Variants in TBC1D32 observed in about 807,000 individuals in gnomAD.
TBC1D32 encodes the protein TBC1 domain family member 32.
Under a neutral mutation model 170.3 loss-of-function variants are expected in TBC1D32, and 151 were observed. The observed-to-expected ratio is 0.89, with a 90% CI of 0.78 to 1.01. TBC1D32 has a LOEUF of 1.01. Among genes scored for constraint, TBC1D32 ranks in the 50% least tolerant of loss-of-function variants. The pLI is 0.00. For synonymous variants in TBC1D32, 498 were observed against 488.0 expected, an observed-to-expected ratio of 1.02 and a Z score of -0.27; for missense variants, 1,464 against 1,457.1, an observed-to-expected ratio of 1.00 and a Z score of -0.08.
chr6:121,276,132 A>C (rs569635380), intron 15 of TBC1D32, among the ~76,000 whole-genome samples: 130 of 151,884 alleles, frequency 8.6e-4, no homozygotes, highest in African/African-American at 2.9e-3. Context: ...AAAAAAAAAA[A>C]AAACAAACGA....
chr6:121,256,095 C>G lies in TBC1D32; in HGVS notation c.1924G>C (p.Ala642Pro), dbSNP rs758891570. ...TTGAAAATACTTACCTTTTTCCATG[C>G]CTTTGCTATAGATTCATGCAAATTA... ...TYNLHESIAKAWKKTSLLSER... is the reference protein window; with the variant it reads ...TYNLHESIAKPWKKTSLLSER... The change falls in exon 16 of 32, where the codon GCA (alanine) becomes CCA (proline). Residue 642 changes from alanine (A) to proline (P), a missense_variant. Coordinates refer to ENST00000398212, the MANE Select transcript of TBC1D32 (RefSeq NM_152730.6). 5.0e-6 allele frequency: 8 copies of G among 1,607,954 alleles called. No homozygotes were observed. Among genetic ancestry groups the G allele is most frequent in the Non-Finnish European group, 4.2e-6 (5 of 1,178,722 alleles).
At chr6:121,278,107 A>G (rs1020531949) in intron 15 of TBC1D32, among the ~76,000 whole-genome samples, 3 of 152,176 alleles carry the variant, frequency 2.0e-5, no homozygotes, top group Non-Finnish European at 2.9e-5. Context: ...AATAAATTGA[A>G]TGAATAACTA....
chr6:121,148,320 T>G (rs978841488), intron 24 of TBC1D32, among the ~76,000 whole-genome samples: 1 of 152,106 alleles, frequency 6.6e-6, no homozygotes, highest in African/African-American at 2.4e-5. Flanking sequence ...TGAACTAATT[T>G]TTTTTTATGG....
intron 22 of TBC1D32, among the ~76,000 whole-genome samples, chr6:121,178,159 TG>T (rs1788020457): frequency 6.6e-6 from 1 of 152,118 alleles, no homozygotes; most frequent in Non-Finnish European, 1.5e-5. Flanking sequence ...TGGGGGAAAC[TG>T]CGCCCATGAT....
chr6:121,095,865 T>G (rs566623509), intron 30 of TBC1D32: 2 of 152,310 alleles, frequency 1.3e-5, no homozygotes, highest in Admixed American at 6.5e-5. Flanking sequence ...GCATCGATAT[T>G]CATCAGGCAT....
At chr6:121,105,612 G>A (rs1778597938) in intron 30 of TBC1D32, among the ~76,000 whole-genome samples, 1 of 152,030 alleles carries the variant, frequency 6.6e-6, no homozygotes. Flanking sequence ...AGCCTTCCTA[G>A]ATCCCGACAG....
intron 15 of TBC1D32, among the ~76,000 whole-genome samples, chr6:121,270,098 G>C (rs1226281309): frequency 1.3e-5 from 2 of 151,938 alleles, no homozygotes; most frequent in Non-Finnish European, 2.9e-5. Flanking sequence ...GAATCTCTGG[G>C]ACACATTCAA....
chr6:121,222,427 C>A (rs1213188216), intron 21 of TBC1D32, among the ~76,000 whole-genome samples: 1 of 152,022 alleles, frequency 6.6e-6, no homozygotes, highest in Non-Finnish European at 1.5e-5. Context: ...ATAAGAGAAT[C>A]TAAGTTAATG....
At chr6:121,152,042 T>C (rs1163938797) in intron 24 of TBC1D32, among the ~76,000 whole-genome samples, 1 of 152,236 alleles carries the variant, frequency 6.6e-6, no homozygotes, top group East Asian at 1.9e-4. Context: ...GTTTCTGTCA[T>C]TATGATGCTA....
chr6:121,118,012 T>C (rs554246741), intron 26 of TBC1D32, among the ~76,000 whole-genome samples: 9 of 152,280 alleles, frequency 5.9e-5, no homozygotes, highest in African/African-American at 1.9e-4. Flanking sequence ...TTGATCCATA[T>C]GCATGGCTGG....
chr6:121,180,196 A>G (rs1788326371), intron 22 of TBC1D32, among the ~76,000 whole-genome samples: 1 of 152,128 alleles, frequency 6.6e-6, no homozygotes, highest in Non-Finnish European at 1.5e-5. Context: ...TACAATGATA[A>G]TTAAAATCTC....
At chr6:121,189,886 G>A (rs1211087493) in intron 22 of TBC1D32, among the ~76,000 whole-genome samples, 1 of 151,834 alleles carries the variant, frequency 6.6e-6, no homozygotes, top group Non-Finnish European at 1.5e-5. Context: ...TAAGAATTTT[G>A]CACTTGATCC....
chr6:121,155,276 A>G (rs957040939), intron 24 of TBC1D32, among the ~76,000 whole-genome samples: 8 of 151,882 alleles, frequency 5.3e-5, no homozygotes, highest in African/African-American at 1.9e-4. Flanking sequence ...GCTATAGCAA[A>G]TGGGATTATG....
At chr6:121,099,970 G>A (rs945842583) in intron 30 of TBC1D32, among the ~76,000 whole-genome samples, 1 of 151,710 alleles carries the variant, frequency 6.6e-6, no homozygotes, top group African/African-American at 2.4e-5. Flanking sequence ...GTATAGCAAG[G>A]TTTTCCCATA....
intron 10 of TBC1D32, 66 bp downstream of exon 10, chr6:121,299,380 A>G: frequency 7.0e-7 from 1 of 1,419,402 alleles, no homozygotes; most frequent in Non-Finnish European, 9.5e-7. Flanking sequence ...TGCATAGTCA[A>G]GTTATTACAT....
chr6:121,105,752 A>G (rs952058797), intron 30 of TBC1D32, among the ~76,000 whole-genome samples: 1 of 152,016 alleles, frequency 6.6e-6, no homozygotes, highest in Non-Finnish European at 1.5e-5. Context: ...CACTGGCATT[A>G]CAAAGCAAGT....
chr6:121,085,133 G>A (rs1464458605), intron 31 of TBC1D32, among the ~76,000 whole-genome samples: 6 of 150,150 alleles, frequency 4.0e-5, no homozygotes, highest in South Asian at 2.1e-4. Flanking sequence ...AGAGAAGGAG[G>A]ATTTATGAAT....
intron 17 of TBC1D32, among the ~76,000 whole-genome samples, chr6:121,247,030 C>T (rs1322147284): frequency 6.6e-6 from 1 of 151,878 alleles, no homozygotes; most frequent in Non-Finnish European, 1.5e-5. Flanking sequence ...ATAAGGTTAT[C>T]TAAAGTCAAG....
At chr6:121,102,641 A>T (rs1412450151) in intron 30 of TBC1D32, among the ~76,000 whole-genome samples, 1 of 152,174 alleles carries the variant, frequency 6.6e-6, no homozygotes, top group Non-Finnish European at 1.5e-5. Context: ...AAACCCTGGA[A>T]GAAAACCTAG....
Sources: gnomAD v4.1 joint callset for allele counts (sites outside exome capture counted in the v4.1 genomes callset) on GRCh38, gnomAD v4.1.1 for gene constraint, MANE v1.5 for transcripts, NCBI Gene and HGNC (gene_info 2026-07-23, HGNC 2026-07-21) for gene names.